EXO1: variants seen among roughly 807,000 people sequenced by gnomAD.
EXO1 encodes the protein exonuclease 1.
Under a neutral mutation model 84.5 loss-of-function variants are expected in EXO1, and 69 were observed. The observed-to-expected ratio is 0.82, with a 90% CI of 0.67 to 1.00. EXO1 has a LOEUF of 1.00. Ranked by LOEUF, EXO1 falls within the 50% of genes least tolerant of loss-of-function variation. EXO1 has a pLI of 0.00. For missense variants in EXO1, 1,045 were observed against 1,000.7 expected, an observed-to-expected ratio of 1.04 and a Z score of -0.60; for synonymous variants, 373 against 366.1, an observed-to-expected ratio of 1.02 and a Z score of -0.21.
chr1:241,868,043 C>T (rs548662975), intron 11 of EXO1, among the ~76,000 whole-genome samples: 5 of 151,638 alleles, frequency 3.3e-5, no homozygotes, highest in African/African-American at 7.3e-5. Flanking sequence ...GAGTTCAAGA[C>T]CAGGCTTGGC....
At chr1:241,888,732 G>A (rs73130076) in intron 15 of EXO1, among the ~76,000 whole-genome samples, 4,341 of 152,208 alleles carry the variant, frequency 0.029, 198 homozygotes, top group African/African-American at 0.098. Context: ...TTTATAGATA[G>A]CTTCCTTCCA....
At chr1:241,861,685 G>T (rs1661398240) in intron 10 of EXO1, among the ~76,000 whole-genome samples, 183 bp downstream of exon 10, 2 of 152,098 alleles carry the variant, frequency 1.3e-5, no homozygotes, top group South Asian at 4.2e-4. Context: ...AGGTATATTG[G>T]TTAATTTTTT....
At position 241,885,372 on chromosome 1, in the gene EXO1, C is replaced by T. The variant is rs9350; in HGVS notation, c.2270C>T (p.Pro757Leu). 283,685 of 1,612,938 alleles carry T rather than the reference C, an allele frequency of 0.18. 27,812 individuals carry two copies. Among genetic ancestry groups the T allele is most frequent in the East Asian group, 0.42 (18,770 of 44,824 alleles). Residue 757 changes from proline to leucine, a missense_variant, in exon 15 of 16, where the codon CCT becomes CTT. Pro to Leu is a moderately conservative substitution (Grantham distance 98). Coordinates refer to ENST00000366548, the MANE Select transcript of EXO1 (RefSeq NM_130398.4). ...TCTCTTTCTACAACCAAGATCAAACCTCTAGGACCTGCCAGAGCCAGTGGG... is the reference window on the plus strand; with the variant it reads ...TCTCTTTCTACAACCAAGATCAAACTTCTAGGACCTGCCAGAGCCAGTGGG... ...ADSLSTTKIK[P>L]LGPARASGLS...
Position 241,863,720 on chromosome 1 carries a change from C to A in EXO1, c.1041+2218C>A, listed in dbSNP as rs1451473112. Among the ~76,000 whole-genome samples the A allele has an allele frequency of 2.6e-5, 4 of 152,288 alleles. No homozygotes were observed. In the East Asian group the frequency reaches 7.7e-4, roughly 29 times the overall value. On this transcript the variant is annotated intron_variant, in intron 10 of 15. Transcript: ENST00000366548. The stretch of plus-strand genomic sequence containing the variant: ...TAAACCTTACACTCAGGTTGCTATT[C>A]CCCTATTTTCTAACCTTGCTCCATG...
rs755429902 is a variant in EXO1 at position 241,866,886 on chromosome 1, T to C, written c.1098T>C (p.Asn366=). Residue 366 remains asparagine, a synonymous_variant, in exon 11 of 16, where the codon AAT becomes AAC. Coordinates refer to ENST00000366548, the MANE Select transcript of EXO1 (RefSeq NM_130398.4). ...ACAAAACATGTCAAAAGTCAGCTAATGTTAGCAGCATTTGGCATAGGAATT... is the reference window on the plus strand; with the variant it reads ...ACAAAACATGTCAAAAGTCAGCTAACGTTAGCAGCATTTGGCATAGGAATT... ...WDDKTCQKSA[N]VSSIWHRNYS... 5.6e-6 allele frequency: 9 copies of C among 1,614,112 alleles called. No individual in the cohort carries two copies. The South Asian group carries it at 8.8e-5, about 16-fold the overall frequency.
chr1:241,879,106 C>G lies in EXO1; in HGVS notation c.1872C>G (p.Pro624=), dbSNP rs200301987. Residue 624 remains proline, a synonymous_variant, in exon 13 of 16, where the codon CCC becomes CCG. Transcript: ENST00000366548. ...GLGDFSRTPS[P]SPSTALQQFR... Reference sequence around the variant, plus strand: ...GAGATTTTTCAAGAACGCCGAGCCCCTCTCCAAGCACAGCATTGCAGCAGT... The same window carrying G: ...GAGATTTTTCAAGAACGCCGAGCCCGTCTCCAAGCACAGCATTGCAGCAGT... 3.7e-6 allele frequency: 6 copies of G among 1,613,970 alleles called. No individual in the cohort carries two copies. The South Asian group carries it at 6.6e-5, about 18-fold the overall frequency.
rs1660498452 is a variant in EXO1, at chr1:241,848,928, A to G, written c.-222A>G. 1 of 152,180 alleles carries G rather than the reference A, an allele frequency of 6.6e-6. No individual in the cohort carries two copies. Among genetic ancestry groups the G allele is most frequent in the African/African-American group, 2.4e-5 (1 of 41,440 alleles). 9.4% of individuals were successfully genotyped at this position (152,180 alleles called of 1,614,324 possible). On this transcript the variant is annotated 5_prime_UTR_variant, in exon 2 of 16. Coordinates refer to ENST00000366548, the MANE Select transcript of EXO1 (RefSeq NM_130398.4). The surrounding 1 kb of genome is among the most constrained non-coding windows in gnomAD (Gnocchi z 4.2). The stretch of plus-strand genomic sequence containing the variant: ...CTAAAGAAGAAATAATTATTCGAGG[A>G]TATTTGCCTGGCCCAGAAGAAACTT...
intron 13 of EXO1, among the ~76,000 whole-genome samples, chr1:241,880,736 G>A (rs1193757549): frequency 2.0e-5 from 3 of 152,152 alleles, no homozygotes; most frequent in Admixed American, 6.5e-5. Context: ...AAACATTGGG[G>A]CATCATTTTG....
At chr1:241,872,765 T>C (rs1164238099) in intron 12 of EXO1, among the ~76,000 whole-genome samples, 1 of 152,234 alleles carries the variant, frequency 6.6e-6, no homozygotes, top group Admixed American at 6.5e-5. Context: ...TGATGGGCAT[T>C]TGGGTTGGTT....
intron 11 of EXO1, among the ~76,000 whole-genome samples, 193 bp downstream of exon 11, chr1:241,867,248 C>T (rs769068108): frequency 2.0e-5 from 3 of 152,262 alleles, no homozygotes; most frequent in Non-Finnish European, 2.9e-5. Flanking sequence ...GTTTAATGGA[C>T]GCACAGTTCC....
At chr1:241,889,335 T>C in intron 15 of EXO1, 130 bp from the exon 16 acceptor site, 1 of 786,694 alleles carries the variant, frequency 1.3e-6, no homozygotes, top group Non-Finnish European at 2.1e-6. Context: ...TGTTATATAA[T>C]GAATTGAAAG....
intron 12 of EXO1, among the ~76,000 whole-genome samples, chr1:241,874,490 G>A (rs1284803426): frequency 3.9e-5 from 6 of 152,302 alleles, no homozygotes; most frequent in Non-Finnish European, 8.8e-5. Context: ...CATTCTGAGC[G>A]CCCTGTGAAG....
intron 12 of EXO1, among the ~76,000 whole-genome samples, chr1:241,873,747 C>T (rs143131186): frequency 1.4e-3 from 220 of 152,104 alleles, no homozygotes; most frequent in African/African-American, 4.5e-3. Context: ...GGCATGAATA[C>T]GGTGTTTTGA....
intron 12 of EXO1, among the ~76,000 whole-genome samples, chr1:241,873,440 C>T (rs1480346805): frequency 6.6e-6 from 1 of 152,132 alleles, no homozygotes; most frequent in Non-Finnish European, 1.5e-5. Flanking sequence ...ATTGTAGCCC[C>T]TATTATTAAT....
chr1:241,852,474 A>G, intron 5 of EXO1, 63 bp downstream of exon 5: 2 of 1,470,072 alleles, frequency 1.4e-6, no homozygotes, highest in Non-Finnish European at 1.9e-6. Flanking sequence ...TGTAGTCTAT[A>G]TGATACCAAT....
chr1:241,873,468 G>GTT (rs3835630), intron 12 of EXO1, among the ~76,000 whole-genome samples: 14 of 151,882 alleles, frequency 9.2e-5, no homozygotes, highest in South Asian at 2.1e-4. Flanking sequence ...TACAGAAATT[G>GTT]TTTTTTTGGG....
chr1:241,855,281 C>A (rs1776159), intron 6 of EXO1, among the ~76,000 whole-genome samples: 3 of 151,788 alleles, frequency 2.0e-5, no homozygotes, highest in Non-Finnish European at 4.4e-5. Context: ...TCCACTGTCC[C>A]CATCAGATTA....
In EXO1 at chr1:241,879,110, C is replaced by A; in HGVS notation, c.1876C>A (p.Pro626Thr). 6.2e-7 allele frequency: 1 copy of A among 1,613,820 alleles called. No individual in the cohort carries two copies. The highest frequency in any genetic ancestry group is 1.7e-5 in the Admixed American group (1 of 60,024). ...GDFSRTPSPS[P>T]STALQQFRRK... is the part of the protein sequence containing the mutation. ...TTTTTCAAGAACGCCGAGCCCCTCT[C>A]CAAGCACAGCATTGCAGCAGTTCCG... The change falls in exon 13 of 16, where the codon CCA (proline) becomes ACA (threonine). Residue 626 changes from proline (P) to threonine (T), a missense_variant. Pro to Thr is a conservative substitution (Grantham distance 38). Coordinates refer to ENST00000366548, the MANE Select transcript of EXO1 (RefSeq NM_130398.4).
At chr1:241,877,641 A>C (rs149465653) in intron 12 of EXO1, among the ~76,000 whole-genome samples, 2 of 152,252 alleles carry the variant, frequency 1.3e-5, no homozygotes, top group East Asian at 3.9e-4. Context: ...TTATCTGATC[A>C]TGTATAATAG....
Sources: allele counts gnomAD v4.1 joint callset (sites outside exome capture counted in the v4.1 genomes callset), GRCh38; gene constraint gnomAD v4.1.1; non-coding constraint Gnocchi (gnomAD v3.1); transcripts MANE v1.5; gene names NCBI Gene and HGNC (gene_info 2026-07-23, HGNC 2026-07-21).